Variants in CADM2 observed in about 807,000 individuals in gnomAD.
The protein encoded by CADM2 is cell adhesion molecule 2.
CADM2 carries 12 observed loss-of-function variants against 49.8 expected under a neutral mutation model. The ratio of observed to expected loss-of-function variants is 0.24; its 90% confidence interval spans 0.15 to 0.39. The LOEUF (loss-of-function observed/expected upper bound fraction) is 0.39. Among genes scored for constraint, CADM2 ranks in the 10% least tolerant of loss-of-function variants. CADM2 has a pLI of 1.00. For missense variants in CADM2, 378 were observed against 492.3 expected, an observed-to-expected ratio of 0.77 and a Z score of 2.20; for synonymous variants, 214 against 175.4, an observed-to-expected ratio of 1.22 and a Z score of -1.74.
intron 1 of CADM2, among the ~76,000 whole-genome samples, chr3:85,666,940 C>A (rs778929492): frequency 6.6e-6 from 1 of 151,960 alleles, no homozygotes; most frequent in Non-Finnish European, 1.5e-5. Flanking sequence ...AAATAAAACT[C>A]TAAAATTATA....
rs868507486 is a variant in CADM2, at chr3:84,959,342, T to C, written c.-266T>C. 1.8e-6 allele frequency: 1 copy of C among 563,016 alleles called. No homozygotes were observed. Among genetic ancestry groups the C allele is most frequent in the Middle Eastern group, 4.8e-4 (1 of 2,070 alleles). The allele number at this position is 563,016 out of a possible 1,614,324, so 34.9% of individuals were successfully genotyped here. The stretch of plus-strand genomic sequence containing the variant: ...GGAAGGCAAGCTCCAAACCCCTGCC[T>C]GGAAGACGGGCTGTCGCGGCTGCAC... On this transcript the variant is annotated 5_prime_UTR_variant, in exon 1 of 10. Transcript: ENST00000383699.
intron 8 of CADM2, chr3:85,979,390 G>T (rs1727199821): frequency 1.3e-5 from 17 of 1,302,412 alleles, no homozygotes; most frequent in Non-Finnish European, 1.7e-5. Flanking sequence ...TTAATTATGA[G>T]AAGTAATTAA....
chr3:85,296,144 GA>G (rs2106961845), intron 1 of CADM2, among the ~76,000 whole-genome samples: 1 of 151,930 alleles, frequency 6.6e-6, no homozygotes, highest in South Asian at 2.1e-4. Context: ...GAAATGTTTG[GA>G]ATGTGGTATC....
intron 1 of CADM2, among the ~76,000 whole-genome samples, chr3:85,411,083 T>A (rs1219659217): frequency 6.6e-6 from 1 of 152,212 alleles, no homozygotes; most frequent in Non-Finnish European, 1.5e-5. Flanking sequence ...ATGCATTCTG[T>A]CTTTGAAAAT....
rs1169169369 is a variant in CADM2 at position 84,958,993 on chromosome 3, A to AGCTGCCGCCGTCGCC, written c.-606_-592dup. 9.2e-5 allele frequency: 18 copies of AGCTGCCGCCGTCGCC among 195,048 alleles called. No individual in the cohort carries two copies. The highest frequency in any genetic ancestry group is 1.7e-4 in the African/African-American group (7 of 41,402). The allele number at this position is 195,048 out of a possible 1,614,324, so 12.1% of individuals were successfully genotyped here. A position where few individuals can be genotyped will look rare whatever the true frequency, so the allele number is the denominator to read the frequency against. Reference sequence around the variant, plus strand: ...TGCCCTTGTGTCTGGTGCTTCGTAGAGCTGCCGCCGTCGCCGCTGCCGCTG... The same window carrying AGCTGCCGCCGTCGCC: ...TGCCCTTGTGTCTGGTGCTTCGTAGAGCTGCCGCCGTCGCCGCTGCCGCCGTCGCCGCTGCCGCTG... On this transcript the variant is annotated 5_prime_UTR_variant, in exon 1 of 10. Coordinates refer to ENST00000383699, the MANE Select transcript of CADM2 (RefSeq NM_001167675.2).
chr3:86,001,676 G>A (rs9845052), intron 8 of CADM2, among the ~76,000 whole-genome samples: 26,288 of 151,982 alleles, frequency 0.17, 2,317 homozygotes, highest in South Asian at 0.24. Context: ...AGAATTTGTT[G>A]CCAGATAAAG....
chr3:85,935,220 C>T (rs1239448947), intron 6 of CADM2, among the ~76,000 whole-genome samples: 1 of 152,108 alleles, frequency 6.6e-6, no homozygotes, highest in Non-Finnish European at 1.5e-5. Context: ...GGAAGTGACT[C>T]ACTAACTGTA....
At chr3:85,331,827 G>C (rs901534285) in intron 1 of CADM2, among the ~76,000 whole-genome samples, 8 of 152,050 alleles carry the variant, frequency 5.3e-5, no homozygotes, top group Admixed American at 1.3e-4. Context: ...ACTGGAGTGA[G>C]TGATTCTTCT....
intron 8 of CADM2, among the ~76,000 whole-genome samples, chr3:85,979,826 C>A (rs1013290073): frequency 3.3e-5 from 5 of 151,502 alleles, no homozygotes; most frequent in African/African-American, 1.2e-4. Flanking sequence ...CTGAGTGAAG[C>A]TACTTATTCT....
intron 1 of CADM2, among the ~76,000 whole-genome samples, chr3:85,193,092 A>C (rs1027083393): frequency 6.6e-6 from 1 of 152,108 alleles, no homozygotes; most frequent in Admixed American, 6.6e-5. Context: ...ATAAAGAAGA[A>C]GTGTGACTAC....
chr3:85,656,431 A>G (rs1444561508), intron 1 of CADM2, among the ~76,000 whole-genome samples: 1 of 152,122 alleles, frequency 6.6e-6, no homozygotes, highest in South Asian at 2.1e-4. Flanking sequence ...CCTGGCCAAC[A>G]TGGTGAAAAC....
chr3:85,270,327 G>A (rs1559752120), intron 1 of CADM2, among the ~76,000 whole-genome samples: 1 of 151,292 alleles, frequency 6.6e-6, no homozygotes, highest in Non-Finnish European at 1.5e-5. Flanking sequence ...GGTCTGGTTT[G>A]TCACCATATC....
chr3:85,095,564 G>A (rs543862518), intron 1 of CADM2, among the ~76,000 whole-genome samples: 78 of 152,232 alleles, frequency 5.1e-4, no homozygotes, highest in Non-Finnish European at 9.8e-4. Flanking sequence ...GTGGGGGATG[G>A]ATAGTACTCA....
intron 1 of CADM2, among the ~76,000 whole-genome samples, chr3:85,574,320 T>C (rs1287360573): frequency 6.6e-6 from 1 of 152,194 alleles, no homozygotes; most frequent in Non-Finnish European, 1.5e-5. Context: ...CATCCTTGGC[T>C]GGGGTTCTGC....
chr3:85,995,950 C>T (rs1397563783), intron 8 of CADM2, among the ~76,000 whole-genome samples: 1 of 151,642 alleles, frequency 6.6e-6, no homozygotes, highest in East Asian at 2.0e-4. Context: ...ATTAGCCAGG[C>T]GTGGTGGCGG....
intron 1 of CADM2, among the ~76,000 whole-genome samples, chr3:85,332,518 G>T (rs748571798): frequency 2.6e-5 from 4 of 151,870 alleles, no homozygotes; most frequent in Non-Finnish European, 5.9e-5. Flanking sequence ...ATATGGGAGA[G>T]AATTACTGAA....
chr3:85,115,527 G>A (rs973980444), intron 1 of CADM2, among the ~76,000 whole-genome samples: 1 of 152,070 alleles, frequency 6.6e-6, no homozygotes, highest in Admixed American at 6.6e-5. Flanking sequence ...ATGAGACTGG[G>A]CTCTTGCAGT....
At chr3:85,389,276 T>C (rs956749159) in intron 1 of CADM2, among the ~76,000 whole-genome samples, 1 of 152,070 alleles carries the variant, frequency 6.6e-6, no homozygotes, top group Non-Finnish European at 1.5e-5. Context: ...GTGAGTATAA[T>C]TGTACCAAAA....
At chr3:85,550,488 G>A (rs887018043) in intron 1 of CADM2, among the ~76,000 whole-genome samples, 1 of 152,116 alleles carries the variant, frequency 6.6e-6, no homozygotes, top group Non-Finnish European at 1.5e-5. Context: ...TTGTGACTGG[G>A]ACCCCTGCTG....
Sources: gnomAD v4.1 joint callset for allele counts (sites outside exome capture counted in the v4.1 genomes callset) on GRCh38, gnomAD v4.1.1 for gene constraint, MANE v1.5 for transcripts, NCBI Gene and HGNC (gene_info 2026-07-23, HGNC 2026-07-21) for gene names.